MSL2: variants seen among roughly 807,000 people sequenced by gnomAD.
The protein encoded by MSL2 is MSL complex subunit 2, also known as E3 ubiquitin-protein ligase MSL2.
In MSL2, 2 loss-of-function variants were observed where a neutral mutation model predicts 35.8. That is an observed-to-expected ratio of 0.06 (90% CI 0.02 to 0.18). MSL2 has a LOEUF of 0.18. Ranked by LOEUF, MSL2 falls within the 10% of genes least tolerant of loss-of-function variation. MSL2 has a pLI of 1.00. For synonymous variants in MSL2, 296 were observed against 255.7 expected (o/e 1.16, Z -1.50); for missense variants, 523 against 706.7 (o/e 0.74, Z 2.95).
chr3:136,190,466 G>A lies in MSL2; in HGVS notation c.142+4506C>T, dbSNP rs570177119. On this transcript the variant is annotated intron_variant, in intron 1 of 1. Transcript: ENST00000309993. The stretch of plus-strand genomic sequence containing the variant: ...AGCTACTCTAGAGGCTAATGCCAGA[G>A]GACTGGAGTTGGAGGCTGCAGTGAA... Among the ~76,000 whole-genome samples, 6 of 151,578 alleles carry A rather than the reference G, an allele frequency of 4.0e-5. No homozygotes were observed. In the South Asian group the frequency reaches 1.3e-3, roughly 32 times the overall value.
intron 1 of MSL2, among the ~76,000 whole-genome samples, chr3:136,175,199 C>T (rs1940137353): frequency 6.6e-6 from 1 of 152,066 alleles, no homozygotes; most frequent in Non-Finnish European, 1.5e-5. Context: ...CAAAAAGTAG[C>T]CAGACGTGGT....
chr3:136,176,364 A>G (rs938433735), intron 1 of MSL2, among the ~76,000 whole-genome samples: 3 of 151,528 alleles, frequency 2.0e-5, no homozygotes, highest in Non-Finnish European at 1.5e-5. Flanking sequence ...AAATACAAAA[A>G]ATTAGCAGGA....
At chr3:136,179,246 G>C (rs1940270092) in intron 1 of MSL2, among the ~76,000 whole-genome samples, 1 of 152,076 alleles carries the variant, frequency 6.6e-6, no homozygotes, top group Non-Finnish European at 1.5e-5. Flanking sequence ...GAGTGCAGCA[G>C]CACCATCATG....
chr3:136,167,855 T>C (rs188569882), intron 1 of MSL2, among the ~76,000 whole-genome samples: 1 of 152,260 alleles, frequency 6.6e-6, no homozygotes, highest in African/African-American at 2.4e-5. Context: ...TTTTCCAACG[T>C]AATGAAAGAG....
intron 1 of MSL2, among the ~76,000 whole-genome samples, chr3:136,183,138 C>T (rs1049462552): frequency 1.3e-5 from 2 of 151,982 alleles, no homozygotes; most frequent in African/African-American, 4.8e-5. Flanking sequence ...CTCACAATAG[C>T]TGGAAAATTA....
chr3:136,176,011 A>C (rs1940162664), intron 1 of MSL2, among the ~76,000 whole-genome samples: 1 of 152,154 alleles, frequency 6.6e-6, no homozygotes, highest in Non-Finnish European at 1.5e-5. Flanking sequence ...GTTTCCAAAC[A>C]ATAACTAGTA....
intron 1 of MSL2, among the ~76,000 whole-genome samples, chr3:136,192,658 T>C (rs1270548312): frequency 2.0e-5 from 3 of 151,850 alleles, no homozygotes; most frequent in Non-Finnish European, 4.4e-5. Flanking sequence ...AAGAGAATTA[T>C]GTAAAACCAC....
intron 1 of MSL2, among the ~76,000 whole-genome samples, chr3:136,155,206 G>A (rs75348790): frequency 3.4e-5 from 5 of 148,994 alleles, no homozygotes; most frequent in Non-Finnish European, 7.4e-5. Context: ...AAGACTGTCT[G>A]GAAAAAAAAA....
At chr3:136,157,194 G>C (rs1939555838) in intron 1 of MSL2, among the ~76,000 whole-genome samples, 1 of 152,084 alleles carries the variant, frequency 6.6e-6, no homozygotes, top group Admixed American at 6.6e-5. Context: ...GGGAGGCCAA[G>C]GTGGGCTGAT....
At chr3:136,177,350 T>C (rs1189668035) in intron 1 of MSL2, among the ~76,000 whole-genome samples, 1 of 152,010 alleles carries the variant, frequency 6.6e-6, no homozygotes, top group African/African-American at 2.4e-5. Context: ...GAAAGAATAA[T>C]TAATATGGCA....
At chr3:136,179,758 C>T (rs1940282878) in intron 1 of MSL2, among the ~76,000 whole-genome samples, 1 of 152,104 alleles carries the variant, frequency 6.6e-6, no homozygotes, top group Admixed American at 6.6e-5. Context: ...CATTTGTTGA[C>T]ATATCTACTT....
At chr3:136,166,468 T>A (rs1368885127) in intron 1 of MSL2, among the ~76,000 whole-genome samples, 4 of 152,100 alleles carry the variant, frequency 2.6e-5, no homozygotes, top group African/African-American at 9.7e-5. Flanking sequence ...TGTTAAGTAA[T>A]ATTTTTTTGA....
chr3:136,152,806 T>C, intron 1 of MSL2, 68 bp from the exon 2 acceptor site: 1 of 1,552,118 alleles, frequency 6.4e-7, no homozygotes, highest in Non-Finnish European at 8.7e-7. Flanking sequence ...AACTGAAGTT[T>C]AGATGACATA....
chr3:136,186,730 T>C (rs1467682699), intron 1 of MSL2, among the ~76,000 whole-genome samples: 1 of 152,196 alleles, frequency 6.6e-6, no homozygotes, highest in Non-Finnish European at 1.5e-5. Context: ...TCCTACATTA[T>C]AGTGAACTCT....
Position 136,176,375 on chromosome 3 carries a change from C to A in MSL2, c.142+18597G>T, listed in dbSNP as rs546447690. Among the ~76,000 whole-genome samples, 237 of 151,556 alleles carry A rather than the reference C, an allele frequency of 1.6e-3. 1 individual carries two copies. Among genetic ancestry groups the A allele is most frequent in the African/African-American group, 5.4e-3 (224 of 41,286 alleles). On this transcript the variant is annotated intron_variant, in intron 1 of 1. Transcript: ENST00000309993. ...CTAAAAATACAAAAAATTAGCAGGACATGGGGGCATGCACCTGCAATCCCA... is the reference window on the plus strand; with the variant it reads ...CTAAAAATACAAAAAATTAGCAGGAAATGGGGGCATGCACCTGCAATCCCA...
chr3:136,172,876 C>G (rs1940066283), intron 1 of MSL2, among the ~76,000 whole-genome samples: 1 of 152,030 alleles, frequency 6.6e-6, no homozygotes, highest in African/African-American at 2.4e-5. Context: ...TAAAACTGAC[C>G]TACGGGGCCG....
At position 136,195,151 on chromosome 3, in the gene MSL2, G is replaced by A. The variant is rs1161367033; in HGVS notation, c.-38C>T. The A allele has an allele frequency of 3.2e-6, 5 of 1,568,546 alleles. No individual in the cohort carries two copies. The highest frequency in any genetic ancestry group is 4.3e-6 in the Non-Finnish European group (5 of 1,159,186). On this transcript the variant is annotated 5_prime_UTR_variant, in exon 1 of 2. Transcript: ENST00000309993. Reference sequence around the variant, plus strand: ...GACACCAATGGCTCCCGGTTGAAAAGAAATTCCGGATCCAACTTAGTAAGC... The same window carrying A: ...GACACCAATGGCTCCCGGTTGAAAAAAAATTCCGGATCCAACTTAGTAAGC...
rs544521594 is a variant in MSL2, at chr3:136,152,563, T to C, written c.318A>G (p.Leu106=). ...LSILVNCYKK[L]CEYITQTTLA... ...GTGTAGTCTGTGTTATATACTCGCA[T>C]AGTTTTTTGTAGCAGTTCACTAGGA... Residue 106 remains leucine, a synonymous_variant, in exon 2 of 2, where the codon CTA becomes CTG. Transcript: ENST00000309993. 6.2e-7 allele frequency: 1 copy of C among 1,614,196 alleles called. No individual in the cohort carries two copies. Among genetic ancestry groups the C allele is most frequent in the Non-Finnish European group, 8.5e-7 (1 of 1,180,028 alleles).
At chr3:136,182,710 C>T (rs1940404169) in intron 1 of MSL2, among the ~76,000 whole-genome samples, 4 of 148,778 alleles carry the variant, frequency 2.7e-5, no homozygotes, top group Admixed American at 2.0e-4. Flanking sequence ...AGCGAGACTC[C>T]GTCTCAAAAA....
Sources: allele counts gnomAD v4.1 joint callset (sites outside exome capture counted in the v4.1 genomes callset), GRCh38; gene constraint gnomAD v4.1.1; transcripts MANE v1.5; gene names NCBI Gene and HGNC (gene_info 2026-07-23, HGNC 2026-07-21).